Variants in PTPRT observed in about 807,000 individuals in gnomAD.
The protein encoded by PTPRT is receptor-type tyrosine-protein phosphatase T.
PTPRT carries 56 observed loss-of-function variants against 176.8 expected under a neutral mutation model. The observed-to-expected ratio is 0.32, with a 90% CI of 0.26 to 0.40. PTPRT has a LOEUF of 0.40. PTPRT is among the 10% of genes least tolerant of loss of function. PTPRT has a pLI of 1.00. For synonymous variants in PTPRT, 783 were observed against 739.0 expected (o/e 1.06, Z -0.96); for missense variants, 1,540 against 1,908.2 (o/e 0.81, Z 3.60).
the PTPRT span, among the ~76,000 whole-genome samples, chr20:42,045,574 G>A: frequency 1.5e-4 from 23 of 151,912 alleles, no homozygotes; most frequent in African/African-American, 3.6e-4. Flanking sequence ...CTCCAAGTCC[G>A]TAGATGTTTA....
chr20:42,923,582 G>C (rs1979294780), intron 1 of PTPRT, among the ~76,000 whole-genome samples: 1 of 152,170 alleles, frequency 6.6e-6, no homozygotes, highest in South Asian at 2.1e-4. Flanking sequence ...CCTCATCATA[G>C]CCCCAGGAGA....
intron 16 of PTPRT, among the ~76,000 whole-genome samples, chr20:42,188,443 T>G (rs552526375): frequency 8.5e-5 from 13 of 152,136 alleles, no homozygotes; most frequent in Non-Finnish European, 1.2e-4. Context: ...TATGTGACCT[T>G]GAGCAAGTTA....
At chr20:42,799,150 G>T (rs1213641394) in intron 2 of PTPRT, among the ~76,000 whole-genome samples, 1 of 151,828 alleles carries the variant, frequency 6.6e-6, no homozygotes, top group Non-Finnish European at 1.5e-5. Context: ...GGAGGGAAAA[G>T]GGGAAGAGGA....
At chr20:42,242,815 C>T (rs905601860) in intron 14 of PTPRT, among the ~76,000 whole-genome samples, 13 of 152,150 alleles carry the variant, frequency 8.5e-5, no homozygotes, top group Admixed American at 7.2e-4. Flanking sequence ...CCCTCACTTC[C>T]ACCTCATGAA....
At chr20:42,203,821 T>C (rs2055383443) in intron 15 of PTPRT, among the ~76,000 whole-genome samples, 1 of 152,196 alleles carries the variant, frequency 6.6e-6, no homozygotes. Flanking sequence ...AGCTAGAACC[T>C]GGTTTGAACC....
intron 12 of PTPRT, among the ~76,000 whole-genome samples, chr20:42,307,015 T>A (rs2057553440): frequency 6.6e-6 from 1 of 152,208 alleles, no homozygotes; most frequent in Non-Finnish European, 1.5e-5. Context: ...TCAGGATTTG[T>A]GGTATGAACT....
At chr20:43,034,887 G>A (rs959826485) in intron 1 of PTPRT, among the ~76,000 whole-genome samples, 5 of 151,624 alleles carry the variant, frequency 3.3e-5, no homozygotes, top group Non-Finnish European at 5.9e-5. Flanking sequence ...TCCCCACAAC[G>A]CCTGCCTTCA....
At chr20:42,118,930 G>A (rs1423293147) in intron 20 of PTPRT, among the ~76,000 whole-genome samples, 6 of 146,330 alleles carry the variant, frequency 4.1e-5, no homozygotes, top group Non-Finnish European at 8.9e-5. Flanking sequence ...GGTGCCAGAC[G>A]CTGAGAACAA....
chr20:42,363,105 G>GAAA lies in PTPRT; in HGVS notation c.1561-10823_1561-10821dup, dbSNP rs71193658. On this transcript the variant is annotated intron_variant, in intron 9 of 30. Coordinates refer to ENST00000373187, the MANE Select transcript of PTPRT (RefSeq NM_007050.6). ...GGCGACAGAGCAAGACTCCATTTCA[G>GAAA]AAAAAAAAAAAAAAAAAAAAAGAAC... Among the ~76,000 whole-genome samples the GAAA allele has an allele frequency of 4.7e-3, 223 of 47,150 alleles. 5 individuals are homozygous for GAAA. Among genetic ancestry groups the GAAA allele is most frequent in the Middle Eastern group, 0.019 (1 of 52 alleles). The allele number at this position is 47,150 out of a possible 152,430, so 30.9% of individuals were successfully genotyped here.
intron 7 of PTPRT, among the ~76,000 whole-genome samples, chr20:42,620,308 C>T (rs1315143356): frequency 6.7e-6 from 1 of 149,120 alleles, no homozygotes; most frequent in Non-Finnish European, 1.5e-5. Context: ...TCTGAGATCT[C>T]CAGCTGCGTG....
chr20:42,562,028 T>G (rs1275169144), intron 7 of PTPRT, among the ~76,000 whole-genome samples: 1 of 146,722 alleles, frequency 6.8e-6, no homozygotes, highest in African/African-American at 2.6e-5. Context: ...AAACATTAAC[T>G]CAGAGCCAGT....
chr20:43,155,897 TCAC>T (rs2014504715), intron 1 of PTPRT, among the ~76,000 whole-genome samples: 1 of 152,224 alleles, frequency 6.6e-6, no homozygotes, highest in Non-Finnish European at 1.5e-5. Flanking sequence ...GCCTGAGCCC[TCAC>T]CACAAGACTT....
rs975104398 is a variant in PTPRT, at chr20:42,808,893, C to T, written c.215-17427G>A. 3.9e-5 allele frequency among the ~76,000 whole-genome samples: 6 copies of T among 152,140 alleles called. No individual in the cohort carries two copies. In the South Asian group the frequency reaches 8.3e-4, roughly 21 times the overall value. On this transcript the variant is annotated intron_variant, in intron 2 of 30. Transcript: ENST00000373187. ...CACACCTCAAAGTCTGCTGACTGCC[C>T]GCACCCCTGCAGGGGCTCTCAGCTG...
At chr20:42,998,163 G>A (rs952043421) in intron 1 of PTPRT, among the ~76,000 whole-genome samples, 1 of 152,198 alleles carries the variant, frequency 6.6e-6, no homozygotes, top group African/African-American at 2.4e-5. Flanking sequence ...GGATAGATGG[G>A]AATGCATAAT....
rs778140925 is a variant in PTPRT at position 42,975,748 on chromosome 20, C to T, written c.89-89816G>A. ...TGGGTGGGAAATCTGGCAGTCTAGCCGTTACGTAGAAATCCCAAGGCAATC... is the reference window on the plus strand; with the variant it reads ...TGGGTGGGAAATCTGGCAGTCTAGCTGTTACGTAGAAATCCCAAGGCAATC... On this transcript the variant is annotated intron_variant, in intron 1 of 30. Transcript: ENST00000373187. 3.3e-5 allele frequency among the ~76,000 whole-genome samples: 5 copies of T among 152,130 alleles called. No individual in the cohort carries two copies. In the East Asian group the frequency reaches 5.8e-4, roughly 18 times the overall value.
chr20:42,881,926 C>T (rs1379156447), intron 2 of PTPRT, among the ~76,000 whole-genome samples: 2 of 152,032 alleles, frequency 1.3e-5, no homozygotes, highest in East Asian at 3.9e-4. Flanking sequence ...AGAAAAGGGG[C>T]CCAAAGAAGA....
intron 2 of PTPRT, among the ~76,000 whole-genome samples, chr20:42,792,249 GCA>G (rs1477486538): frequency 6.6e-6 from 1 of 152,192 alleles, no homozygotes; most frequent in African/African-American, 2.4e-5. Context: ...TACAATCAAT[GCA>G]CAGTTCCATG....
At chr20:42,161,282 TA>T in intron 17 of PTPRT, 69 bp downstream of exon 17, 1 of 1,572,984 alleles carries the variant, frequency 6.4e-7, no homozygotes, top group Non-Finnish European at 8.7e-7. Flanking sequence ...ATACTTTTTG[TA>T]GCAAGGCTTT....
chr20:42,805,814 T>C (rs779991598), intron 2 of PTPRT, among the ~76,000 whole-genome samples: 2 of 152,152 alleles, frequency 1.3e-5, no homozygotes, highest in African/African-American at 2.4e-5. Flanking sequence ...ATAGATCACG[T>C]GCCCATATGC....
Sources: gnomAD v4.1 joint callset for allele counts (sites outside exome capture counted in the v4.1 genomes callset) on GRCh38, gnomAD v4.1.1 for gene constraint, MANE v1.5 for transcripts, NCBI Gene and HGNC (gene_info 2026-07-23, HGNC 2026-07-21) for gene names.